GRIK2: variants seen among roughly 807,000 people sequenced by gnomAD.
GRIK2 encodes glutamate receptor ionotropic, kainate 2.
GRIK2 carries 32 observed loss-of-function variants against 100.3 expected under a neutral mutation model. The observed-to-expected ratio is 0.32, with a 90% CI of 0.24 to 0.43. The LOEUF (loss-of-function observed/expected upper bound fraction) is 0.43. GRIK2 is among the 20% of genes least tolerant of loss of function. GRIK2 has a pLI of 1.00. For missense variants in GRIK2, 843 were observed against 1,114.9 expected (o/e 0.76, Z 3.47); for synonymous variants, 417 against 389.4 (o/e 1.07, Z -0.83).
At chr6:101,418,597 GAGT>G (rs1460495738) in intron 2 of GRIK2, among the ~76,000 whole-genome samples, 1 of 152,162 alleles carries the variant, frequency 6.6e-6, no homozygotes, top group East Asian at 1.9e-4. Context: ...CTTTCCAAGG[GAGT>G]ATGGTGGGGG....
intron 12 of GRIK2, among the ~76,000 whole-genome samples, chr6:101,897,039 T>G (rs563088818): frequency 6.7e-6 from 1 of 149,422 alleles, no homozygotes; most frequent in African/African-American, 2.5e-5. Context: ...CACAGACACA[T>G]ACACATGCAC....
intron 2 of GRIK2, among the ~76,000 whole-genome samples, chr6:101,425,236 A>G (rs1030942599): frequency 6.6e-6 from 1 of 152,174 alleles, no homozygotes; most frequent in South Asian, 2.1e-4. Flanking sequence ...CTGAGGAATC[A>G]CCACACTGAC....
chr6:101,842,914 G>A (rs1433232129), intron 10 of GRIK2, among the ~76,000 whole-genome samples: 1 of 152,128 alleles, frequency 6.6e-6, no homozygotes, highest in Non-Finnish European at 1.5e-5. Context: ...ACAAACAGAA[G>A]TAGAGGATGG....
At chr6:101,635,152 A>T (rs1365000868) in intron 4 of GRIK2, among the ~76,000 whole-genome samples, 1 of 152,104 alleles carries the variant, frequency 6.6e-6, no homozygotes, top group Non-Finnish European at 1.5e-5. Context: ...TATGTTGTAC[A>T]TTTTAAATAC....
chr6:102,029,951 A>G (rs1769898748), intron 14 of GRIK2, among the ~76,000 whole-genome samples: 2 of 151,218 alleles, frequency 1.3e-5, no homozygotes, highest in African/African-American at 4.8e-5. Flanking sequence ...AGTTATCATA[A>G]TCAGTTTAAT....
chr6:101,798,782 T>A (rs1469849798), intron 7 of GRIK2, among the ~76,000 whole-genome samples: 1 of 152,116 alleles, frequency 6.6e-6, no homozygotes, highest in East Asian at 1.9e-4. Context: ...CATCGATCTG[T>A]CAAACACAGA....
chr6:101,898,661 T>C (rs914432534), intron 12 of GRIK2, among the ~76,000 whole-genome samples: 10 of 151,698 alleles, frequency 6.6e-5, no homozygotes, highest in African/African-American at 2.2e-4. Flanking sequence ...CTGAAAATTA[T>C]TAGCTACGTG....
At chr6:101,946,445 C>T (rs1791281504) in intron 14 of GRIK2, among the ~76,000 whole-genome samples, 1 of 151,600 alleles carries the variant, frequency 6.6e-6, no homozygotes, top group South Asian at 2.1e-4. Context: ...GTGGGAGGAT[C>T]ATTTAAGCCT....
rs1780538965 is a variant in GRIK2 at position 101,799,487 on chromosome 6, T to TAAA, written c.952-159_952-158insAAA. On this transcript the variant is annotated intron_variant, in intron 7 of 16. Coordinates refer to ENST00000369134, the MANE Select transcript of GRIK2 (RefSeq NM_021956.5). Reference sequence around the variant, plus strand: ...AGTAATTTGATCATAATGTCTTGTTTAAGAGAACGAGAGCATGTTAGAGAT... The same window carrying TAAA: ...AGTAATTTGATCATAATGTCTTGTTTAAAAAGAGAACGAGAGCATGTTAGAGAT... Among the ~76,000 whole-genome samples the TAAA allele has an allele frequency of 5.9e-5, 9 of 152,260 alleles. No individual in the cohort carries two copies. In the South Asian group the frequency reaches 1.9e-3, roughly 32 times the overall value.
intron 8 of GRIK2, among the ~76,000 whole-genome samples, chr6:101,801,477 T>C (rs771306393): frequency 6.6e-6 from 1 of 152,050 alleles, no homozygotes; most frequent in Non-Finnish European, 1.5e-5. Context: ...AGAAATTTAG[T>C]AATATTAATT....
chr6:102,068,060 A>G lies in GRIK2; in HGVS notation c.2563-287A>G, dbSNP rs796411843. 4.1e-4 allele frequency among the ~76,000 whole-genome samples: 62 copies of G among 152,028 alleles called. 1 individual carries two copies. Among genetic ancestry groups the G allele is most frequent in the African/African-American group, 1.4e-3 (60 of 41,544 alleles). On this transcript the variant is annotated intron_variant, in intron 16 of 16. Transcript: ENST00000369134. ...ATGCTAATCATTTTTATATAATGTCATAGGAAAATTTTATTTAATATATGT... is the reference window on the plus strand; with the variant it reads ...ATGCTAATCATTTTTATATAATGTCGTAGGAAAATTTTATTTAATATATGT...
Position 101,665,419 on chromosome 6 carries a change from A to G in GRIK2, c.542-11204A>G, listed in dbSNP as rs961981668. On this transcript the variant is annotated intron_variant, in intron 4 of 16. Coordinates refer to ENST00000369134, the MANE Select transcript of GRIK2 (RefSeq NM_021956.5). ...GGCCAAGAGAAGCACAGCCACTGTC[A>G]TAGTGTATGTCTGCTTTGGAGTTCA... Among the ~76,000 whole-genome samples, 7 of 152,330 alleles carry G rather than the reference A, an allele frequency of 4.6e-5. No individual in the cohort carries two copies. In the East Asian group the frequency reaches 5.8e-4, roughly 13 times the overall value.
At chr6:102,058,972 A>G (rs185412837) in intron 16 of GRIK2, among the ~76,000 whole-genome samples, 81 of 151,460 alleles carry the variant, frequency 5.3e-4, no homozygotes, top group Non-Finnish European at 1.1e-3. Flanking sequence ...ACTTTTAATG[A>G]TGATAAAATT....
In GRIK2 at chr6:101,620,199, T is replaced by C. The variant is rs550427049; in HGVS notation, c.116-1750T>C. ...CCGGTCTAGCTCCAAATAAATGTTA[T>C]ATATAAGGGTAGAGAGTAAAGAAGA... On this transcript the variant is annotated intron_variant, in intron 2 of 16. Coordinates refer to ENST00000369134, the MANE Select transcript of GRIK2 (RefSeq NM_021956.5). 15 of 851,692 alleles carry C rather than the reference T, an allele frequency of 1.8e-5. No individual in the cohort carries two copies. The South Asian group carries it at 8.1e-4, about 46-fold the overall frequency. The allele number at this position is 851,692 out of a possible 1,614,324, so 52.8% of individuals were successfully genotyped here.
At chr6:102,015,140 A>C (rs552169503) in intron 14 of GRIK2, among the ~76,000 whole-genome samples, 1 of 152,044 alleles carries the variant, frequency 6.6e-6, no homozygotes, top group Non-Finnish European at 1.5e-5. Flanking sequence ...GGGTGCATGT[A>C]TATTTATTAT....
At chr6:101,997,686 A>C (rs1378995697) in intron 14 of GRIK2, among the ~76,000 whole-genome samples, 2 of 151,978 alleles carry the variant, frequency 1.3e-5, no homozygotes, top group African/African-American at 4.8e-5. Flanking sequence ...ATATTTGTCT[A>C]TTATCTATCA....
At chr6:101,767,765 T>C (rs1169043181) in intron 7 of GRIK2, among the ~76,000 whole-genome samples, 1 of 152,158 alleles carries the variant, frequency 6.6e-6, no homozygotes, top group Non-Finnish European at 1.5e-5. Context: ...ACTATTACAA[T>C]GCATTATAAT....
intron 2 of GRIK2, among the ~76,000 whole-genome samples, chr6:101,510,019 T>C (rs1041406390): frequency 2.6e-5 from 4 of 152,206 alleles, no homozygotes; most frequent in Admixed American, 2.0e-4. Flanking sequence ...TGCATTTATT[T>C]AATTAACTGG....
intron 7 of GRIK2, among the ~76,000 whole-genome samples, chr6:101,779,572 A>G (rs1321468451): frequency 3.3e-5 from 5 of 152,170 alleles, no homozygotes; most frequent in African/African-American, 9.7e-5. Flanking sequence ...AATAGCTTCA[A>G]TCTAGTCTGA....
Sources: gnomAD v4.1 joint callset for allele counts (sites outside exome capture counted in the v4.1 genomes callset) on GRCh38, gnomAD v4.1.1 for gene constraint, MANE v1.5 for transcripts, NCBI Gene and HGNC (gene_info 2026-07-23, HGNC 2026-07-21) for gene names.